The following OSBPL3 variants were observed in gnomAD, a reference collection of about 807,000 sequenced individuals.
The protein encoded by OSBPL3 is oxysterol binding protein like 3, also known as oxysterol-binding protein-related protein 3.
A neutral mutation model predicts 120.1 loss-of-function variants in OSBPL3; 65 were observed. The observed-to-expected ratio is 0.54, with a 90% CI of 0.44 to 0.67. The LOEUF is 0.67. Among genes scored for constraint, OSBPL3 ranks in the 30% least tolerant of loss-of-function variants. The probability of loss-of-function intolerance (pLI) is 0.00; values close to 1 mark genes in which losing one functional copy is unlikely to be tolerated. For synonymous variants in OSBPL3, 416 were observed against 402.6 expected (o/e 1.03, Z -0.40); for missense variants, 1,004 against 1,082.1 (o/e 0.93, Z 1.01).
intron 1 of OSBPL3, among the ~76,000 whole-genome samples, chr7:24,943,714 T>C (rs1032405609): frequency 2.0e-5 from 3 of 152,202 alleles, no homozygotes; most frequent in Non-Finnish European, 4.4e-5. Flanking sequence ...AAAATGGAAA[T>C]GTGACTCTAA....
Position 24,831,501 on chromosome 7 carries a change from A to C in OSBPL3, c.1747-596T>G, listed in dbSNP as rs1796361584. On this transcript the variant is annotated intron_variant, in intron 15 of 22. Coordinates refer to ENST00000313367, the MANE Select transcript of OSBPL3 (RefSeq NM_015550.4). The surrounding 1 kb of genome is among the most constrained non-coding windows in gnomAD (Gnocchi z 4.0). ...AGGAAAAGTGAAACATCCAAAAAAA[A>C]AATTAAAATAAAGAGAGGAAGGAAG... 6.6e-6 allele frequency among the ~76,000 whole-genome samples: 1 copy of C among 152,160 alleles called. No homozygotes were observed. The highest frequency in any genetic ancestry group is 1.5e-5 in the Non-Finnish European group (1 of 68,022).
At chr7:24,917,090 C>G (rs1279098144) in intron 1 of OSBPL3, among the ~76,000 whole-genome samples, 3 of 151,994 alleles carry the variant, frequency 2.0e-5, no homozygotes, top group Non-Finnish European at 4.4e-5. Context: ...CCACAGAACT[C>G]CAAGAATGCA....
At position 24,967,919 on chromosome 7, in the gene OSBPL3, T is replaced by A. The variant is rs1413514133; in HGVS notation, c.-150+11967A>T. On this transcript the variant is annotated intron_variant, in intron 1 of 22. Coordinates refer to ENST00000313367, the MANE Select transcript of OSBPL3 (RefSeq NM_015550.4). This position sits in a 1 kb window ranked among gnomAD's most constrained non-coding sequence, Gnocchi z 5.6. ...ATATTCAAAACCAAAAGCACTCTCTTTCTCTAAGATCTACTCATCTTCCTA... is the reference window on the plus strand; with the variant it reads ...ATATTCAAAACCAAAAGCACTCTCTATCTCTAAGATCTACTCATCTTCCTA... Among the ~76,000 whole-genome samples, 1 of 152,146 alleles carries A rather than the reference T, an allele frequency of 6.6e-6. No individual in the cohort carries two copies. Among genetic ancestry groups the A allele is most frequent in the East Asian group, 1.9e-4 (1 of 5,194 alleles).
rs1192440659 is a variant in OSBPL3, at chr7:24,832,513, G to GA, written c.1747-1609dup. On this transcript the variant is annotated intron_variant, in intron 15 of 22. Transcript: ENST00000313367. ...CGACAGAGAGAGACTCTGCCTCAAA[G>GA]AAAAAAAAAAAAAAAAAAGAAGAAG... 1.8e-3 allele frequency among the ~76,000 whole-genome samples: 191 copies of GA among 103,912 alleles called. 3 individuals carry two copies. In the East Asian group the frequency reaches 0.019, roughly 10 times the overall value. 68.2% of individuals were successfully genotyped at this position (103,912 alleles called of 152,430 possible). A position where few individuals can be genotyped will look rare whatever the true frequency, so the allele number is the denominator to read the frequency against.
Position 24,940,906 on chromosome 7 carries a change from G to A in OSBPL3, c.-150+38980C>T, listed in dbSNP as rs1211745058. ...GCGATCTCGGCTCACTGCAAGCTCTGCCTCCCGGGTTCAAGCCATTCTCCT... is the reference window on the plus strand; with the variant it reads ...GCGATCTCGGCTCACTGCAAGCTCTACCTCCCGGGTTCAAGCCATTCTCCT... On this transcript the variant is annotated intron_variant, in intron 1 of 22. Coordinates refer to ENST00000313367, the MANE Select transcript of OSBPL3 (RefSeq NM_015550.4). The surrounding 1 kb of genome is among the most constrained non-coding windows in gnomAD (Gnocchi z 4.4). 6.6e-6 allele frequency among the ~76,000 whole-genome samples: 1 copy of A among 150,674 alleles called. No homozygotes were observed.
At chr7:24,958,660 A>T (rs1298505098) in intron 1 of OSBPL3, among the ~76,000 whole-genome samples, 1 of 152,192 alleles carries the variant, frequency 6.6e-6, no homozygotes, top group Non-Finnish European at 1.5e-5. Flanking sequence ...TACACATATG[A>T]ACTTCTTGAA....
rs1562990984 is a variant in OSBPL3 at position 24,938,833 on chromosome 7, G to GTGTGTGTGTGTT, written c.-150+41052_-150+41053insAACACACACACA. ...TGTGTGTGTGTGTGTGTGTGTGTGT[G>GTGTGTGTGTGTT]TTTTGAGAGCAAAACTAATGTGGCC... On this transcript the variant is annotated intron_variant, in intron 1 of 22. Coordinates refer to ENST00000313367, the MANE Select transcript of OSBPL3 (RefSeq NM_015550.4). This position sits in a 1 kb window ranked among gnomAD's most constrained non-coding sequence, Gnocchi z 5.8. Among the ~76,000 whole-genome samples the GTGTGTGTGTGTT allele has an allele frequency of 1.1e-4, 15 of 136,360 alleles. No homozygotes were observed. The highest frequency in any genetic ancestry group is 4.1e-4 in the African/African-American group (15 of 36,752). 89.5% of individuals were successfully genotyped at this position (136,360 alleles called of 152,430 possible). A position where few individuals can be genotyped will look rare whatever the true frequency, so the allele number is the denominator to read the frequency against.
Position 24,820,034 on chromosome 7 carries a change from C to G in OSBPL3, c.1948+141G>C. On this transcript the variant is annotated intron_variant, in intron 17 of 22. Transcript: ENST00000313367. This position sits in a 1 kb window ranked among gnomAD's most constrained non-coding sequence, Gnocchi z 4.6. ...CTAAGTGAGAGATGAGAGGCAAGAA[C>G]AGGTGGCGCAGATCCTTCCAACCAG... 1.8e-6 allele frequency: 1 copy of G among 546,796 alleles called. No individual in the cohort carries two copies. Among genetic ancestry groups the G allele is most frequent in the East Asian group, 3.1e-5 (1 of 32,006 alleles). The allele number at this position is 546,796 out of a possible 1,614,324, so 33.9% of individuals were successfully genotyped here.
At position 24,912,064 on chromosome 7, in the gene OSBPL3, G is replaced by A. The variant is rs139198035; in HGVS notation, c.-149-19443C>T. On this transcript the variant is annotated intron_variant, in intron 1 of 22. Transcript: ENST00000313367. The surrounding 1 kb of genome is among the most constrained non-coding windows in gnomAD (Gnocchi z 4.5). ...GTTTTTGTTTTTTCTTAATTGACAC[G>A]GTAGGTAGTAGGTTATTTGTTTATC... Among the ~76,000 whole-genome samples, 5 of 152,222 alleles carry A rather than the reference G, an allele frequency of 3.3e-5. No individual in the cohort carries two copies. Among genetic ancestry groups the A allele is most frequent in the Admixed American group, 2.6e-4 (4 of 15,294 alleles).
intron 1 of OSBPL3, among the ~76,000 whole-genome samples, chr7:24,915,539 TAA>T (rs35520475): frequency 1.0e-4 from 15 of 147,010 alleles, no homozygotes; most frequent in African/African-American, 3.0e-4. Flanking sequence ...CCCCTTTCTT[TAA>T]AAAAAAAAAA....
At chr7:24,838,312 A>G (rs563431367) in intron 14 of OSBPL3, among the ~76,000 whole-genome samples, 17 of 152,210 alleles carry the variant, frequency 1.1e-4, no homozygotes, top group Middle Eastern at 3.4e-3. Flanking sequence ...CCTGGCCAAC[A>G]TGGTGAAACC....
In OSBPL3 at chr7:24,968,241, A is replaced by C. The variant is rs1459693921; in HGVS notation, c.-150+11645T>G. Among the ~76,000 whole-genome samples, 3 of 152,206 alleles carry C rather than the reference A, an allele frequency of 2.0e-5. No homozygotes were observed. Among genetic ancestry groups the C allele is most frequent in the Non-Finnish European group, 4.4e-5 (3 of 68,030 alleles). On this transcript the variant is annotated intron_variant, in intron 1 of 22. Coordinates refer to ENST00000313367, the MANE Select transcript of OSBPL3 (RefSeq NM_015550.4). This position sits in a 1 kb window ranked among gnomAD's most constrained non-coding sequence, Gnocchi z 4.6. ...CCAGCTCTCTGGAAAAACAAAAACA[A>C]AAATGTCCTCATGTGTTATGTTTCC...
rs2285687 is a variant in OSBPL3 at position 24,834,292 on chromosome 7, T to C, written c.1746+194A>G. 7 of 1,416,712 alleles carry C rather than the reference T, an allele frequency of 4.9e-6. No homozygotes were observed. Among genetic ancestry groups the C allele is most frequent in the African/African-American group, 1.4e-5 (1 of 69,102 alleles). The allele number at this position is 1,416,712 out of a possible 1,614,324, so 87.8% of individuals were successfully genotyped here. ...GCCACGGAGAAGCACCCCAACCCCGTCTCCAAATCCTCACAAGGTGACTGG... is the reference window on the plus strand; with the variant it reads ...GCCACGGAGAAGCACCCCAACCCCGCCTCCAAATCCTCACAAGGTGACTGG... On this transcript the variant is annotated intron_variant, in intron 15 of 22. Coordinates refer to ENST00000313367, the MANE Select transcript of OSBPL3 (RefSeq NM_015550.4). The surrounding 1 kb of genome is among the most constrained non-coding windows in gnomAD (Gnocchi z 5.2).
At chr7:24,853,485 A>G (rs2128230967) in intron 10 of OSBPL3, among the ~76,000 whole-genome samples, 1 of 152,340 alleles carries the variant, frequency 6.6e-6, no homozygotes, top group Non-Finnish European at 1.5e-5. Context: ...AGGCTGAGGA[A>G]CTGTTCCCAA....
Position 24,885,931 on chromosome 7 carries a change from A to T in OSBPL3, c.96+6446T>A, listed in dbSNP as rs568707630. Among the ~76,000 whole-genome samples the T allele has an allele frequency of 6.7e-4, 102 of 152,328 alleles. 1 individual carries two copies. The highest frequency in any genetic ancestry group is 3.4e-3 in the Middle Eastern group (1 of 294). ...AATGTGTTACTTTGAAAATTCTAGG[A>T]AGGAAATGTAAGGGGGCAGTGGGAA... On this transcript the variant is annotated intron_variant, in intron 2 of 22. Transcript: ENST00000313367.
intron 1 of OSBPL3, among the ~76,000 whole-genome samples, chr7:24,908,184 G>A (rs1430856559): frequency 6.6e-6 from 1 of 152,098 alleles, no homozygotes; most frequent in African/African-American, 2.4e-5. Flanking sequence ...TTCATTTCCT[G>A]GTTCCTGCCA....
chr7:24,831,338 T>C lies in OSBPL3; in HGVS notation c.1747-433A>G, dbSNP rs1796339181. On this transcript the variant is annotated intron_variant, in intron 15 of 22. Coordinates refer to ENST00000313367, the MANE Select transcript of OSBPL3 (RefSeq NM_015550.4). This position sits in a 1 kb window ranked among gnomAD's most constrained non-coding sequence, Gnocchi z 4.0. ...TCCCTCCAAAACTCAGGAATCAGCATCATAAATTTAACCATTCAAAATGTG... is the reference window on the plus strand; with the variant it reads ...TCCCTCCAAAACTCAGGAATCAGCACCATAAATTTAACCATTCAAAATGTG... Among the ~76,000 whole-genome samples the C allele has an allele frequency of 6.6e-6, 1 of 152,156 alleles. No homozygotes were observed. Among genetic ancestry groups the C allele is most frequent in the Non-Finnish European group, 1.5e-5 (1 of 68,022 alleles).
rs1793085786 is a variant in OSBPL3, at chr7:24,806,703, T to A, written c.2444+73A>T. 1 of 1,448,816 alleles carries A rather than the reference T, an allele frequency of 6.9e-7. No homozygotes were observed. Among genetic ancestry groups the A allele is most frequent in the African/African-American group, 1.4e-5 (1 of 70,582 alleles). The allele number at this position is 1,448,816 out of a possible 1,614,324, so 89.7% of individuals were successfully genotyped here. A position where few individuals can be genotyped will look rare whatever the true frequency, so the allele number is the denominator to read the frequency against. On this transcript the variant is annotated intron_variant, in intron 21 of 22. Transcript: ENST00000313367. This position sits in a 1 kb window ranked among gnomAD's most constrained non-coding sequence, Gnocchi z 5.2. ...CCTTTCTCAGGTGCCTCTGGTGGCCTAAGGATTGTTAATAAGACTTTTTGT... is the reference window on the plus strand; with the variant it reads ...CCTTTCTCAGGTGCCTCTGGTGGCCAAAGGATTGTTAATAAGACTTTTTGT...
At position 24,834,368 on chromosome 7, in the gene OSBPL3, C is replaced by CG. The variant is rs1562795027; in HGVS notation, c.1746+117dup. The CG allele has an allele frequency of 2.0e-6, 3 of 1,513,958 alleles. No homozygotes were observed. In the South Asian group the frequency reaches 4.0e-5, roughly 20 times the overall value. 93.8% of individuals were successfully genotyped at this position (1,513,958 alleles called of 1,614,324 possible). A position where few individuals can be genotyped will look rare whatever the true frequency, so the allele number is the denominator to read the frequency against. On this transcript the variant is annotated intron_variant, in intron 15 of 22. Transcript: ENST00000313367. This position sits in a 1 kb window ranked among gnomAD's most constrained non-coding sequence, Gnocchi z 5.2. Reference sequence around the variant, plus strand: ...CAGCTCTGAGTAATGAACCTGTTTACGGAACAATCAAAATGAAACCGGAGG... The same window carrying CG: ...CAGCTCTGAGTAATGAACCTGTTTACGGGAACAATCAAAATGAAACCGGAGG...
Sources: gnomAD v4.1 joint callset for allele counts (sites outside exome capture counted in the v4.1 genomes callset) on GRCh38, gnomAD v4.1.1 for gene constraint, Gnocchi (gnomAD v3.1) non-coding constraint, MANE v1.5 for transcripts, NCBI Gene and HGNC (gene_info 2026-07-23, HGNC 2026-07-21) for gene names.